Variants in HCN1 observed in about 807,000 individuals in gnomAD.
HCN1 encodes the protein potassium/sodium hyperpolarization-activated cyclic nucleotide-gated channel 1.
Under a neutral mutation model 78.9 loss-of-function variants are expected in HCN1, and 13 were observed. The observed-to-expected ratio is 0.16, with a 90% confidence interval of 0.11 to 0.26. The LOEUF (loss-of-function observed/expected upper bound fraction) is 0.26, where lower values mean the gene tolerates loss of function less well. Ranked by LOEUF, HCN1 falls within the 10% of genes least tolerant of loss-of-function variation. HCN1 has a pLI of 1.00. For missense variants in HCN1, 810 were observed against 1,154.3 expected (o/e 0.70, Z 4.32); for synonymous variants, 552 against 455.5 (o/e 1.21, Z -2.70).
chr5:45,464,715 C>T (rs1483491940), intron 2 of HCN1, among the ~76,000 whole-genome samples: 1 of 152,008 alleles, frequency 6.6e-6, no homozygotes, highest in African/African-American at 2.4e-5. Context: ...TATCTCGGCC[C>T]GATCTGATTG....
intron 1 of HCN1, among the ~76,000 whole-genome samples, chr5:45,657,744 T>C (rs1317570552): frequency 7.2e-5 from 11 of 152,004 alleles, no homozygotes; most frequent in African/African-American, 1.9e-4. Context: ...TAAAAGAGGA[T>C]ACAAAGAAAT....
chr5:45,363,483 A>C (rs1747166762), intron 4 of HCN1, among the ~76,000 whole-genome samples: 1 of 151,926 alleles, frequency 6.6e-6, no homozygotes, highest in South Asian at 2.1e-4. Context: ...CATTCTACAC[A>C]GTTCCTCAGA....
At chr5:45,379,655 CACA>C (rs1189332029) in intron 4 of HCN1, among the ~76,000 whole-genome samples, 2 of 151,960 alleles carry the variant, frequency 1.3e-5, no homozygotes, top group East Asian at 3.9e-4. Context: ...TTGTGGTTAC[CACA>C]AATCTGTATA....
intron 1 of HCN1, among the ~76,000 whole-genome samples, chr5:45,679,777 A>G (rs1338511909): frequency 2.0e-5 from 3 of 152,124 alleles, no homozygotes; most frequent in African/African-American, 7.2e-5. Flanking sequence ...TTCAAATGTC[A>G]CTAGCTTCTA....
At chr5:45,502,928 G>C (rs1742220513) in intron 2 of HCN1, among the ~76,000 whole-genome samples, 1 of 152,094 alleles carries the variant, frequency 6.6e-6, no homozygotes, top group Non-Finnish European at 1.5e-5. Context: ...TTATATTACA[G>C]TATTGTTTAT....
intron 5 of HCN1, among the ~76,000 whole-genome samples, chr5:45,341,689 A>T (rs1746585546): frequency 6.6e-6 from 1 of 152,160 alleles, no homozygotes; most frequent in South Asian, 2.1e-4. Context: ...CCTGGGAGGT[A>T]AAGGCTGCAG....
At position 45,319,236 on chromosome 5, in the gene HCN1, A is replaced by C. The variant is rs532299532; in HGVS notation, c.1378-15397T>G. ...CCATATATTGGAATTTCTGGGTAATAGAATAAGCACATACTTCACTACAGT... is the reference window on the plus strand; with the variant it reads ...CCATATATTGGAATTTCTGGGTAATCGAATAAGCACATACTTCACTACAGT... On this transcript the variant is annotated intron_variant, in intron 5 of 7. Transcript: ENST00000303230. Among the ~76,000 whole-genome samples the C allele has an allele frequency of 7.2e-5, 11 of 152,098 alleles. No homozygotes were observed. In the South Asian group the frequency reaches 1.9e-3, roughly 26 times the overall value.
intron 6 of HCN1, among the ~76,000 whole-genome samples, chr5:45,287,486 T>G (rs1335979916): frequency 6.6e-6 from 1 of 152,108 alleles, no homozygotes; most frequent in Non-Finnish European, 1.5e-5. Flanking sequence ...AGCTGAGTTA[T>G]GTAATACATA....
At chr5:45,276,671 C>T (rs958455833) in intron 6 of HCN1, among the ~76,000 whole-genome samples, 2 of 151,866 alleles carry the variant, frequency 1.3e-5, no homozygotes, top group East Asian at 1.9e-4. Flanking sequence ...CTGAAAGAGT[C>T]GAGAATTATA....
At chr5:45,534,560 A>G (rs1742927992) in intron 2 of HCN1, among the ~76,000 whole-genome samples, 1 of 152,034 alleles carries the variant, frequency 6.6e-6, no homozygotes, top group East Asian at 1.9e-4. Flanking sequence ...AATATGTACA[A>G]TATGTCAAAG....
chr5:45,641,825 T>TTA (rs1428033862), intron 2 of HCN1: 1 of 152,182 alleles, frequency 6.6e-6, no homozygotes, highest in African/African-American at 2.4e-5. Context: ...AATAATCTCC[T>TTA]ATTCACTAAG....
intron 2 of HCN1, among the ~76,000 whole-genome samples, chr5:45,550,888 T>C (rs1350057339): frequency 6.6e-6 from 1 of 152,024 alleles, no homozygotes; most frequent in Non-Finnish European, 1.5e-5. Flanking sequence ...TTCTTTAATG[T>C]AGTTTCTAGG....
At chr5:45,363,244 A>C (rs1747162039) in intron 4 of HCN1, among the ~76,000 whole-genome samples, 1 of 149,828 alleles carries the variant, frequency 6.7e-6, no homozygotes, top group Admixed American at 6.7e-5. Flanking sequence ...AAGCTGACCC[A>C]CCTCTGACCT....
chr5:45,508,186 T>C (rs1027451178), intron 2 of HCN1, among the ~76,000 whole-genome samples: 4 of 152,152 alleles, frequency 2.6e-5, no homozygotes, highest in Admixed American at 2.0e-4. Flanking sequence ...GTGATGAATA[T>C]TGAATTGGAA....
chr5:45,581,696 T>C (rs1265432231), intron 2 of HCN1, among the ~76,000 whole-genome samples: 1 of 152,232 alleles, frequency 6.6e-6, no homozygotes, highest in Non-Finnish European at 1.5e-5. Flanking sequence ...TTAATTTTTG[T>C]ATAAGGTGTA....
intron 4 of HCN1, among the ~76,000 whole-genome samples, chr5:45,382,929 C>T (rs955099942): frequency 6.6e-6 from 1 of 152,146 alleles, no homozygotes; most frequent in Non-Finnish European, 1.5e-5. Context: ...ATAACTACTA[C>T]ACTACAGTAG....
intron 5 of HCN1, among the ~76,000 whole-genome samples, chr5:45,314,934 A>G (rs1009124301): frequency 6.6e-6 from 1 of 152,136 alleles, no homozygotes; most frequent in African/African-American, 2.4e-5. Context: ...GAGACCTACA[A>G]AGAGACCTAG....
rs1744753344 is a variant in HCN1 at position 45,262,107 on chromosome 5, T to C, written c.2487A>G (p.Ala829=). Residue 829 remains alanine (A), a synonymous_variant, in exon 8 of 8, where the codon GCA becomes GCG. Coordinates refer to ENST00000303230, the MANE Select transcript of HCN1 (RefSeq NM_021072.4). ...VTAVPGTGLQ[A]GGRSTVPQRV... is the part of the protein sequence containing the mutation. ...GCTGCGGGACAGTGCTCCTGCCCCC[T>C]GCCTGAAGGCCCGTTCCGGGGACCG... 6.2e-7 allele frequency: 1 copy of C among 1,612,670 alleles called. No homozygotes were observed. The highest frequency in any genetic ancestry group is 1.3e-5 in the African/African-American group (1 of 74,900).
At chr5:45,388,971 T>A (rs1747983630) in intron 4 of HCN1, among the ~76,000 whole-genome samples, 1 of 152,154 alleles carries the variant, frequency 6.6e-6, no homozygotes, top group South Asian at 2.1e-4. Flanking sequence ...ACCAGGCCAG[T>A]TTTGCCTTCC....
Sources: gnomAD v4.1 joint callset for allele counts (sites outside exome capture counted in the v4.1 genomes callset) on GRCh38, gnomAD v4.1.1 for gene constraint, MANE v1.5 for transcripts, NCBI Gene and HGNC (gene_info 2026-07-23, HGNC 2026-07-21) for gene names.